Variants in CHCHD3 observed in about 807,000 individuals in gnomAD.
CHCHD3 encodes the protein coiled-coil-helix-coiled-coil-helix domain containing 3.
Under a neutral mutation model 38.2 loss-of-function variants are expected in CHCHD3, and 20 were observed. The observed-to-expected ratio is 0.52, with a 90% CI of 0.37 to 0.76. The LOEUF is 0.76. CHCHD3 is among the 30% of genes least tolerant of loss of function. CHCHD3 has a pLI of 0.00. For synonymous variants in CHCHD3, 82 were observed against 100.0 expected, an observed-to-expected ratio of 0.82 and a Z score of 1.07; for missense variants, 245 against 279.2, an observed-to-expected ratio of 0.88 and a Z score of 0.87.
At chr7:132,907,937 G>A (rs551441646) in intron 4 of CHCHD3, among the ~76,000 whole-genome samples, 2 of 151,962 alleles carry the variant, frequency 1.3e-5, no homozygotes, top group East Asian at 1.9e-4. Context: ...AACAAACCAC[G>A]GTCAAAAACC....
intron 3 of CHCHD3, among the ~76,000 whole-genome samples, chr7:133,020,757 T>G (rs58947586): frequency 0.012 from 1,839 of 152,264 alleles, 46 homozygotes; most frequent in African/African-American, 0.042. Flanking sequence ...TAAGGAATGT[T>G]GTGTCACCGA....
At chr7:132,964,088 A>C (rs1195225437) in intron 4 of CHCHD3, among the ~76,000 whole-genome samples, 1 of 152,204 alleles carries the variant, frequency 6.6e-6, no homozygotes, top group Admixed American at 6.5e-5. Context: ...ATTCAATGAA[A>C]ATACAAAAGT....
chr7:132,909,481 C>A (rs1386297809), intron 4 of CHCHD3, among the ~76,000 whole-genome samples: 1 of 151,914 alleles, frequency 6.6e-6, no homozygotes, highest in East Asian at 1.9e-4. Context: ...ACAGAGCGAG[C>A]CTCCATCTCA....
At chr7:132,900,003 T>A (rs1420162621) in intron 4 of CHCHD3, among the ~76,000 whole-genome samples, 1 of 152,206 alleles carries the variant, frequency 6.6e-6, no homozygotes, top group East Asian at 1.9e-4. Context: ...TAACCGTGTG[T>A]ATGTGACACC....
chr7:133,014,318 G>A (rs952934137), intron 3 of CHCHD3, among the ~76,000 whole-genome samples: 1 of 146,782 alleles, frequency 6.8e-6, no homozygotes, highest in Admixed American at 6.8e-5. Context: ...AAAATTGTTT[G>A]GGGGATAACT....
intron 2 of CHCHD3, among the ~76,000 whole-genome samples, chr7:133,027,151 C>G (rs191054392): frequency 1.6e-4 from 25 of 151,972 alleles, no homozygotes; most frequent in Admixed American, 3.9e-4. Context: ...GTTGGCCAGG[C>G]TGGTCTCGAA....
chr7:133,038,510 C>A (rs1025732476), intron 2 of CHCHD3, among the ~76,000 whole-genome samples: 2 of 152,160 alleles, frequency 1.3e-5, no homozygotes, highest in African/African-American at 2.4e-5. Flanking sequence ...ATTCTCTTTT[C>A]ACTCTAGCTT....
At chr7:132,889,590 C>A (rs991323570) in intron 4 of CHCHD3, among the ~76,000 whole-genome samples, 8 of 152,080 alleles carry the variant, frequency 5.3e-5, no homozygotes, top group African/African-American at 1.9e-4. Flanking sequence ...TCCTAAGACC[C>A]AACACCACCA....
chr7:132,844,456 A>T (rs969083804), intron 5 of CHCHD3, among the ~76,000 whole-genome samples: 10 of 152,328 alleles, frequency 6.6e-5, no homozygotes, highest in African/African-American at 2.2e-4. Context: ...ATCTTCATTC[A>T]TATTCACTCT....
At chr7:133,067,668 C>T (rs1002919671) in intron 2 of CHCHD3, among the ~76,000 whole-genome samples, 6 of 152,206 alleles carry the variant, frequency 3.9e-5, no homozygotes, top group Admixed American at 2.6e-4. Flanking sequence ...TGTTTCTGCA[C>T]GACAAGGCAT....
chr7:132,863,223 T>C lies in CHCHD3; in HGVS notation c.453+22439A>G, dbSNP rs201192347. ...AAATAGTAAGACTTGAGGGTCAAAA[T>C]TACTCCTTGATCCACAGGCTGTAGA... On this transcript the variant is annotated intron_variant, in intron 5 of 7. Transcript: ENST00000262570. 2.1e-4 allele frequency among the ~76,000 whole-genome samples: 32 copies of C among 152,320 alleles called. No homozygotes were observed. The East Asian group carries it at 4.8e-3, about 23-fold the overall frequency.
At chr7:133,069,323 T>A (rs923176641) in intron 2 of CHCHD3, among the ~76,000 whole-genome samples, 1 of 143,278 alleles carries the variant, frequency 7.0e-6, no homozygotes, top group African/African-American at 2.5e-5. Context: ...GCGGGGGGGG[T>A]CACAATTGGC....
chr7:133,005,109 G>A (rs1007438233), intron 3 of CHCHD3, among the ~76,000 whole-genome samples: 1 of 152,076 alleles, frequency 6.6e-6, no homozygotes, highest in African/African-American at 2.4e-5. Flanking sequence ...TGAAAAAACT[G>A]AGCTTAAAGA....
chr7:132,812,533 A>G (rs1323184382), intron 6 of CHCHD3, among the ~76,000 whole-genome samples: 1 of 151,908 alleles, frequency 6.6e-6, no homozygotes, highest in Non-Finnish European at 1.5e-5. Context: ...TTGTATTTCC[A>G]TTGCCATTAT....
chr7:133,016,921 G>C (rs1813048191), intron 3 of CHCHD3, among the ~76,000 whole-genome samples: 1 of 152,192 alleles, frequency 6.6e-6, no homozygotes, highest in Non-Finnish European at 1.5e-5. Context: ...TAAGGAAATG[G>C]ACAACAGGCC....
intron 4 of CHCHD3, among the ~76,000 whole-genome samples, chr7:132,891,518 A>G (rs545733823): frequency 6.6e-6 from 1 of 152,316 alleles, no homozygotes; most frequent in South Asian, 2.1e-4. Flanking sequence ...CTCAAACCCA[A>G]GCACCCAGGA....
chr7:132,988,775 A>G (rs1337942196), intron 3 of CHCHD3, among the ~76,000 whole-genome samples: 1 of 151,990 alleles, frequency 6.6e-6, no homozygotes, highest in East Asian at 1.9e-4. Flanking sequence ...TTTATCAGTC[A>G]GGTGTGGTGG....
At chr7:133,033,843 T>G (rs1813572270) in intron 2 of CHCHD3, among the ~76,000 whole-genome samples, 1 of 152,258 alleles carries the variant, frequency 6.6e-6, no homozygotes, top group Non-Finnish European at 1.5e-5. Flanking sequence ...CATCACATTG[T>G]CTATTTTTTT....
At chr7:132,867,674 A>T (rs1459513335) in intron 5 of CHCHD3, among the ~76,000 whole-genome samples, 1 of 152,224 alleles carries the variant, frequency 6.6e-6, no homozygotes, top group African/African-American at 2.4e-5. Flanking sequence ...TGTATCATGC[A>T]CATACAGAAT....
Sources: allele counts gnomAD v4.1 joint callset (sites outside exome capture counted in the v4.1 genomes callset), GRCh38; gene constraint gnomAD v4.1.1; transcripts MANE v1.5; gene names NCBI Gene and HGNC (gene_info 2026-07-23, HGNC 2026-07-21).